The following ARHGAP29 variants were observed in gnomAD, a reference collection of about 807,000 sequenced individuals.
ARHGAP29 encodes rho GTPase-activating protein 29.
A neutral mutation model predicts 122.6 loss-of-function variants in ARHGAP29; 43 were observed. The ratio of observed to expected loss-of-function variants is 0.35; its 90% CI spans 0.27 to 0.45. The LOEUF is 0.45. ARHGAP29 is among the 20% of genes least tolerant of loss of function. The probability of loss-of-function intolerance (pLI) is 1.00; values close to 1 mark genes in which losing one functional copy is unlikely to be tolerated. For synonymous variants in ARHGAP29, 506 were observed against 497.1 expected (o/e 1.02, Z -0.24); for missense variants, 1,303 against 1,477.2 (o/e 0.88, Z 1.93).
rs367972483 is a variant in ARHGAP29 at position 94,186,639 on chromosome 1, T to C, written c.1682-42A>G. The stretch of plus-strand genomic sequence containing the variant: ...GATACAATTACCTGACCATTCATTG[T>C]AGAATCTTTGAAATAGGAAATGACA... On this transcript the variant is annotated intron_variant, in intron 15 of 22. Coordinates refer to ENST00000260526, the MANE Select transcript of ARHGAP29 (RefSeq NM_004815.4). The C allele has an allele frequency of 2.3e-4, 322 of 1,374,672 alleles. 2 individuals are homozygous for C. The highest frequency in any genetic ancestry group is 2.2e-3 in the South Asian group (180 of 83,452). 85.2% of individuals were successfully genotyped at this position (1,374,672 alleles called of 1,614,324 possible).
At chr1:94,264,046 TG>T (rs1654660695) in intron 1 of ARHGAP29, among the ~76,000 whole-genome samples, 1 of 152,112 alleles carries the variant, frequency 6.6e-6, no homozygotes, top group African/African-American at 2.4e-5. Flanking sequence ...TCCCTAGAAG[TG>T]TAAATTTTGG....
chr1:94,313,535 G>A, the ARHGAP29 span, among the ~76,000 whole-genome samples: 6 of 152,192 alleles, frequency 3.9e-5, no homozygotes, highest in Admixed American at 1.3e-4. Context: ...CTGTTGGTGG[G>A]AGTGTAAATT....
intron 6 of ARHGAP29, among the ~76,000 whole-genome samples, 196 bp downstream of exon 6, chr1:94,205,439 T>C (rs1651130129): frequency 6.6e-6 from 1 of 152,176 alleles, no homozygotes; most frequent in African/African-American, 2.4e-5. Context: ...ACACAATTCT[T>C]GATCAGTCTA....
In ARHGAP29 at chr1:94,208,872, T is replaced by C. The variant is rs747832983; in HGVS notation, c.470A>G (p.Asn157Ser). 16 of 1,613,952 alleles carry C rather than the reference T, an allele frequency of 9.9e-6. No homozygotes were observed. The highest frequency in any genetic ancestry group is 3.3e-5 in the South Asian group (3 of 91,084). ...LTNFLMGDVG[N>S]DSLLRLPVSR... is the part of the protein sequence containing the mutation. ...AACAGGCAGTCGCAATAATGAATCA[T>C]TGCCTACATCTCCCATAAGGAAGTT... The change falls in exon 5 of 23, where the codon AAT becomes AGT. Residue 157 changes from asparagine (N) to serine (S), a missense_variant. Transcript: ENST00000260526.
chr1:94,173,757 T>A lies in ARHGAP29; in HGVS notation c.*112A>T. 1 of 1,332,356 alleles carries A rather than the reference T, an allele frequency of 7.5e-7. No homozygotes were observed. Among genetic ancestry groups the A allele is most frequent in the Non-Finnish European group, 1.0e-6 (1 of 981,612 alleles). 82.5% of individuals were successfully genotyped at this position (1,332,356 alleles called of 1,614,324 possible). A position where few individuals can be genotyped will look rare whatever the true frequency, so the allele number is the denominator to read the frequency against. ...ATACAACAACAAAAGGCAAAACCCA[T>A]GATTTGGCAGTCCTATACAAAAGAG... On this transcript the variant is annotated 3_prime_UTR_variant, in exon 23 of 23. Coordinates refer to ENST00000260526, the MANE Select transcript of ARHGAP29 (RefSeq NM_004815.4).
At chr1:94,289,151 C>G in the ARHGAP29 span, among the ~76,000 whole-genome samples, 3 of 152,028 alleles carry the variant, frequency 2.0e-5, no homozygotes, top group Non-Finnish European at 4.4e-5. Flanking sequence ...TGTTTGTGTC[C>G]TCTTTCATTT....
At chr1:94,241,853 A>T (rs1653603300), upstream of ARHGAP29, among the ~76,000 whole-genome samples, 1 of 151,692 alleles carries the variant, frequency 6.6e-6, no homozygotes, top group South Asian at 2.1e-4. Flanking sequence ...CGAACTACAC[A>T]CCGCACTGGG....
Position 94,171,572 on chromosome 1 carries a change from C to T in ARHGAP29, c.*2297G>A, listed in dbSNP as rs1235377271. On this transcript the variant is annotated 3_prime_UTR_variant, in exon 23 of 23. Transcript: ENST00000260526. ...TTCTGGATAAATGATTTCCACCACA[C>T]TATTAGATAGCACAACACAGTGCAC... Among the ~76,000 whole-genome samples the T allele has an allele frequency of 6.6e-6, 1 of 152,162 alleles. No individual in the cohort carries two copies. Among genetic ancestry groups the T allele is most frequent in the East Asian group, 1.9e-4 (1 of 5,192 alleles).
chr1:94,223,471 A>G (rs6541343), intron 2 of ARHGAP29, among the ~76,000 whole-genome samples: 134,391 of 152,108 alleles, frequency 0.88, 59,585 homozygotes, highest in Non-Finnish European at 0.92. Flanking sequence ...GTTCGGTTAA[A>G]TGAATTAAAA....
intron 7 of ARHGAP29, 85 bp from the exon 8 acceptor site, chr1:94,204,079 C>CAATTAAGAA: frequency 9.7e-7 from 1 of 1,028,074 alleles, no homozygotes; most frequent in Non-Finnish European, 1.5e-6. Flanking sequence ...AGTAATTCCA[C>CAATTAAGAA]AATTAAGAAG....
At chr1:94,183,372 G>C (rs1292670468) in intron 19 of ARHGAP29, among the ~76,000 whole-genome samples, 1 of 152,040 alleles carries the variant, frequency 6.6e-6, no homozygotes, top group Non-Finnish European at 1.5e-5. Flanking sequence ...TCATGACAAT[G>C]TGCTGATTAA....
At chr1:94,276,416 C>G (rs1570636342), upstream of ARHGAP29, among the ~76,000 whole-genome samples, 2 of 150,996 alleles carry the variant, frequency 1.3e-5, no homozygotes, top group African/African-American at 4.9e-5. Context: ...TATCATTGTT[C>G]ATATATAGAG....
intron 1 of ARHGAP29, among the ~76,000 whole-genome samples, chr1:94,258,454 G>T (rs935874683): frequency 6.6e-6 from 1 of 152,218 alleles, no homozygotes; most frequent in Non-Finnish European, 1.5e-5. Flanking sequence ...CCTGAGAGCT[G>T]CCAGTCTGTC....
intron 2 of ARHGAP29, among the ~76,000 whole-genome samples, chr1:94,224,981 A>C (rs1455275162): frequency 6.6e-6 from 1 of 152,202 alleles, no homozygotes; most frequent in East Asian, 1.9e-4. Context: ...GCTGAAGCCC[A>C]CAAATCAACA....
At chr1:94,301,982 C>T in the ARHGAP29 span, 2 of 166,710 alleles carry the variant, frequency 1.2e-5, no homozygotes, top group African/African-American at 4.8e-5. Flanking sequence ...CTCAGCTCCT[C>T]CCATCAACAG....
In ARHGAP29 at chr1:94,173,112, T is replaced by C. The variant is rs971717575; in HGVS notation, c.*757A>G. ...AACTGCTGAAAAACAAAAGTTTATA[T>C]AAAATAAAGCCAAGGGGTGAAAAAC... On this transcript the variant is annotated 3_prime_UTR_variant, in exon 23 of 23. Transcript: ENST00000260526. 1.3e-5 allele frequency: 2 copies of C among 152,470 alleles called. No individual in the cohort carries two copies. Among genetic ancestry groups the C allele is most frequent in the African/African-American group, 4.8e-5 (2 of 41,430 alleles). 9.4% of individuals were successfully genotyped at this position (152,470 alleles called of 1,614,324 possible).
At chr1:94,302,776 C>A in the ARHGAP29 span, 2 of 299,038 alleles carry the variant, frequency 6.7e-6, no homozygotes, top group Non-Finnish European at 1.3e-5. Flanking sequence ...GAGAAACCAG[C>A]CAAATATGAT....
chr1:94,294,211 G>C, the ARHGAP29 span, among the ~76,000 whole-genome samples: 1 of 152,048 alleles, frequency 6.6e-6, no homozygotes, highest in Admixed American at 6.6e-5. Context: ...ATTGAGTTGT[G>C]GGTATTGGTC....
At chr1:94,216,574 C>A (rs1651968036) in intron 3 of ARHGAP29, among the ~76,000 whole-genome samples, 1 of 152,150 alleles carries the variant, frequency 6.6e-6, no homozygotes, top group Admixed American at 6.5e-5. Context: ...CATTTGGATT[C>A]TGTGTGAACT....
Sources: gnomAD v4.1 joint callset for allele counts (sites outside exome capture counted in the v4.1 genomes callset) on GRCh38, gnomAD v4.1.1 for gene constraint, MANE v1.5 for transcripts, NCBI Gene and HGNC (gene_info 2026-07-23, HGNC 2026-07-21) for gene names.